ACTN2: variants seen among roughly 807,000 people sequenced by gnomAD.
ACTN2 encodes actinin alpha 2, also known as alpha-actinin-2.
A neutral mutation model predicts 113.8 loss-of-function variants in ACTN2; 39 were observed. The ratio of observed to expected loss-of-function variants is 0.34; its 90% confidence interval spans 0.27 to 0.45. The LOEUF (loss-of-function observed/expected upper bound fraction) is 0.45. ACTN2 is among the 20% of genes least tolerant of loss of function. The pLI is 1.00. For missense variants in ACTN2, 992 were observed against 1,177.9 expected (o/e 0.84, Z 2.31); for synonymous variants, 429 against 444.1 (o/e 0.97, Z 0.43).
chr1:236,707,087 C>T (rs1657846886), intron 1 of ACTN2, among the ~76,000 whole-genome samples: 1 of 152,202 alleles, frequency 6.6e-6, no homozygotes, highest in South Asian at 2.1e-4. Context: ...AGTCATGATT[C>T]AAATGTCACC....
intron 4 of ACTN2, among the ~76,000 whole-genome samples, chr1:236,725,628 A>G (rs1658525115): frequency 6.0e-5 from 1 of 16,796 alleles, no homozygotes; most frequent in Non-Finnish European, 1.6e-3. Flanking sequence ...CTGTGCCTCA[A>G]AAAAAATTAA....
At chr1:236,743,539 G>T (rs1201866279) in intron 11 of ACTN2, among the ~76,000 whole-genome samples, 1 of 150,226 alleles carries the variant, frequency 6.7e-6, no homozygotes, top group African/African-American at 2.4e-5. Context: ...TTACACACAT[G>T]CCGGTTTCCA....
Position 236,739,456 on chromosome 1 carries a change from A to G in ACTN2, c.1031A>G (p.Asn344Ser), listed in dbSNP as rs886046206. ...CAGGAGAAATGCCAGCTGGAGATCA[A>G]CTTCAACACGCTGCAGACCAAGCTG... ...KVQEKCQLEI[N>S]FNTLQTKLRI... The change falls in exon 10 of 21, where the codon AAC becomes AGC. Residue 344 changes from asparagine (N) to serine (S), a missense_variant. By Grantham distance (46) the Asn-to-Ser change is conservative (BLOSUM62 1). This residue lies in a region of ACTN2 where 736 missense variants were observed against 815.4 expected (regional missense o/e 0.90). Transcript: ENST00000366578. 7.4e-6 allele frequency: 12 copies of G among 1,614,022 alleles called. No homozygotes were observed. The highest frequency in any genetic ancestry group is 7.6e-6 in the Non-Finnish European group (9 of 1,180,030).
At chr1:236,705,900 A>G (rs895193498) in intron 1 of ACTN2, among the ~76,000 whole-genome samples, 4 of 152,144 alleles carry the variant, frequency 2.6e-5, no homozygotes, top group Non-Finnish European at 5.9e-5. Flanking sequence ...TAGCCCATGG[A>G]CTAAATGGAA....
At chr1:236,718,074 C>A in intron 2 of ACTN2, 102 bp downstream of exon 2, 1 of 900,898 alleles carries the variant, frequency 1.1e-6, no homozygotes, top group Non-Finnish European at 1.8e-6. Context: ...CTTGGCTGGG[C>A]AAGAACATGG....
intron 1 of ACTN2, among the ~76,000 whole-genome samples, chr1:236,697,510 G>C (rs1657543885): frequency 6.6e-6 from 1 of 152,190 alleles, no homozygotes; most frequent in East Asian, 1.9e-4. Context: ...ACTCCTAGAG[G>C]AAGCAATGTT....
chr1:236,696,109 C>T (rs1262050332), intron 1 of ACTN2, among the ~76,000 whole-genome samples: 2 of 151,890 alleles, frequency 1.3e-5, no homozygotes, highest in African/African-American at 4.8e-5. Context: ...GAGTTCGAGA[C>T]CAGCCTGGCC....
chr1:236,704,213 T>G (rs1657759002), intron 1 of ACTN2, among the ~76,000 whole-genome samples: 1 of 152,242 alleles, frequency 6.6e-6, no homozygotes, highest in Non-Finnish European at 1.5e-5. Context: ...GTATCATTCC[T>G]GTGTATTAAT....
At chr1:236,736,436 G>A (rs1422346687) in intron 8 of ACTN2, 4 of 632,620 alleles carry the variant, frequency 6.3e-6, no homozygotes, top group Non-Finnish European at 1.1e-5. Context: ...AAGCCAGTTA[G>A]GCAAGCTTCT....
At chr1:236,753,670 C>G (rs1659466165) in intron 15 of ACTN2, among the ~76,000 whole-genome samples, 1 of 152,134 alleles carries the variant, frequency 6.6e-6, no homozygotes, top group South Asian at 2.1e-4. Context: ...GTCGCTGCTC[C>G]TAATGCAGGC....
chr1:236,754,425 T>C lies in ACTN2; in HGVS notation c.1974+344T>C, dbSNP rs60012915. Among the ~76,000 whole-genome samples the C allele has an allele frequency of 0.13, 20,514 of 152,234 alleles. 1,583 individuals are homozygous for C. Among genetic ancestry groups the C allele is most frequent in the African/African-American group, 0.2 (8,413 of 41,522 alleles). ...CATCTATCCCTACAAGGAGGACACGTGAAGGCCCACAAATACTTTGCATTT... is the reference window on the plus strand; with the variant it reads ...CATCTATCCCTACAAGGAGGACACGCGAAGGCCCACAAATACTTTGCATTT... On this transcript the variant is annotated intron_variant, in intron 16 of 20. Coordinates refer to ENST00000366578, the MANE Select transcript of ACTN2 (RefSeq NM_001103.4). This position sits in a 1 kb window ranked among gnomAD's most constrained non-coding sequence, Gnocchi z 4.9.
intron 4 of ACTN2, among the ~76,000 whole-genome samples, chr1:236,722,702 G>A (rs967556485): frequency 2.6e-5 from 4 of 151,840 alleles, no homozygotes; most frequent in Non-Finnish European, 5.9e-5. Context: ...CAGTGCAGAT[G>A]TAAGTAGATG....
Position 236,754,977 on chromosome 1 carries a change from T to A in ACTN2, c.1975-42T>A. 3 of 1,613,568 alleles carry A rather than the reference T, an allele frequency of 1.9e-6. No individual in the cohort carries two copies. Among genetic ancestry groups the A allele is most frequent in the Non-Finnish European group, 2.5e-6 (3 of 1,179,774 alleles). On this transcript the variant is annotated intron_variant, in intron 16 of 20. Coordinates refer to ENST00000366578, the MANE Select transcript of ACTN2 (RefSeq NM_001103.4). This position sits in a 1 kb window ranked among gnomAD's most constrained non-coding sequence, Gnocchi z 4.9. Reference sequence around the variant, plus strand: ...GTGCCGAGCTCCCTTAGAGGGCACTTCACTCTGCTTCTCTCTCTGCTTGCT... The same window carrying A: ...GTGCCGAGCTCCCTTAGAGGGCACTACACTCTGCTTCTCTCTCTGCTTGCT...
chr1:236,709,220 G>GTGTATATATATA (rs1275373436), intron 1 of ACTN2, among the ~76,000 whole-genome samples: 3 of 66,850 alleles, frequency 4.5e-5, no homozygotes, highest in African/African-American at 1.8e-4. Context: ...ACAAATGACT[G>GTGTATATATATA]TATATATATA....
At chr1:236,757,352 TCAAG>T in intron 17 of ACTN2, 130 bp from the exon 18 acceptor site, 3 of 1,156,674 alleles carry the variant, frequency 2.6e-6, no homozygotes, top group South Asian at 1.3e-5. Flanking sequence ...GAATTTTTTT[TCAAG>T]TGTGGGGAAG....
At chr1:236,757,771 T>C (rs1417960264) in intron 18 of ACTN2, 139 bp downstream of exon 18, 1 of 1,208,330 alleles carries the variant, frequency 8.3e-7, no homozygotes, top group Non-Finnish European at 1.2e-6. Context: ...CAAAAGAAAA[T>C]AGCCACCAAA....
At chr1:236,713,413 G>C (rs1008441562) in intron 1 of ACTN2, among the ~76,000 whole-genome samples, 4 of 152,036 alleles carry the variant, frequency 2.6e-5, no homozygotes, top group Admixed American at 2.0e-4. Flanking sequence ...TTTTTGTAGA[G>C]ACAGGGTTTC....
chr1:236,702,681 G>A (rs538870700), intron 1 of ACTN2, among the ~76,000 whole-genome samples: 21 of 152,292 alleles, frequency 1.4e-4, no homozygotes, highest in African/African-American at 3.6e-4. Context: ...GATTCCCTCC[G>A]GTGTGGAGTT....
At chr1:236,760,901 T>C (rs1659684091) in intron 19 of ACTN2, 114 bp from the exon 20 acceptor site, 1 of 1,333,304 alleles carries the variant, frequency 7.5e-7, no homozygotes, top group Non-Finnish European at 1.1e-6. Flanking sequence ...ACGCAGGTAA[T>C]AATTCAGTTT....
Sources: allele counts gnomAD v4.1 joint callset (sites outside exome capture counted in the v4.1 genomes callset), GRCh38; gene constraint gnomAD v4.1.1; regional missense constraint gnomAD v4.1.1; non-coding constraint Gnocchi (gnomAD v3.1); transcripts MANE v1.5; gene names NCBI Gene and HGNC (gene_info 2026-07-23, HGNC 2026-07-21).